Variants in TNXB observed in about 807,000 individuals in gnomAD.
TNXB encodes the protein tenascin XB, also known as tenascin-X.
In TNXB, 183 loss-of-function variants were observed where a neutral mutation model predicts 340.5. That is an observed-to-expected ratio of 0.54 (90% CI 0.48 to 0.61). The LOEUF (loss-of-function observed/expected upper bound fraction) is 0.61, where lower values mean the gene tolerates loss of function less well. Ranked by LOEUF, TNXB falls within the 20% of genes least tolerant of loss-of-function variation. The pLI, the probability that TNXB is intolerant of heterozygous loss-of-function variation, is 0.00. For synonymous variants in TNXB, 2,121 were observed against 2,314.5 expected, an observed-to-expected ratio of 0.92 and a Z score of 2.40; for missense variants, 4,613 against 5,446.4, an observed-to-expected ratio of 0.85 and a Z score of 4.82.
Position 32,067,588 on chromosome 6 carries a change from C to T in TNXB, c.6544+73G>A. 6.5e-7 allele frequency: 1 copy of T among 1,545,804 alleles called. No individual in the cohort carries two copies. Among genetic ancestry groups the T allele is most frequent in the Non-Finnish European group, 8.7e-7 (1 of 1,146,690 alleles). ...GGTTTGAGGTCTTGGGGTTCTGGGT[C>T]CCTAGTGGAGGAGATGCTGGAGGCT... On this transcript the variant is annotated intron_variant, in intron 18 of 43. Coordinates refer to ENST00000644971, the MANE Select transcript of TNXB (RefSeq NM_001365276.2). This position sits in a 1 kb window ranked among gnomAD's most constrained non-coding sequence, Gnocchi z 4.2.
chr6:32,062,559 A>G lies in TNXB; in HGVS notation c.6842-76T>C. Reference sequence around the variant, plus strand: ...CCAAGGGACTCTGGGATTCTCTTAGACACACCAAGGGCCCACAGTCTGGAT... The same window carrying G: ...CCAAGGGACTCTGGGATTCTCTTAGGCACACCAAGGGCCCACAGTCTGGAT... On this transcript the variant is annotated intron_variant, in intron 19 of 43. Coordinates refer to ENST00000644971, the MANE Select transcript of TNXB (RefSeq NM_001365276.2). The surrounding 1 kb of genome is among the most constrained non-coding windows in gnomAD (Gnocchi z 4.3). 7.2e-7 allele frequency: 1 copy of G among 1,385,900 alleles called. No homozygotes were observed. Among genetic ancestry groups the G allele is most frequent in the Non-Finnish European group, 9.7e-7 (1 of 1,028,610 alleles). The allele number at this position is 1,385,900 out of a possible 1,614,324, so 85.9% of individuals were successfully genotyped here.
At chr6:32,066,352 C>T (rs1268303065) in intron 18 of TNXB, among the ~76,000 whole-genome samples, 1 of 151,968 alleles carries the variant, frequency 6.6e-6, no homozygotes, top group Non-Finnish European at 1.5e-5. Flanking sequence ...TATGATCATG[C>T]CACTGCACTA....
Position 32,042,704 on chromosome 6 carries a change from G to A in TNXB, c.12053C>T (p.Thr4018Ile), listed in dbSNP as rs972769832. ...GGGCCCGTGCGTCCAGGTACCCGTGGTGAAAGAGGTGGACACGGGCGGCAG... is the reference window on the plus strand; with the variant it reads ...GGGCCCGTGCGTCCAGGTACCCGTGATGAAAGAGGTGGACACGGGCGGCAG... The part of the protein sequence containing the change: ...SLLPPVSTSF[T>I]TGGLRIPFPR... Residue 4018 changes from threonine (T) to isoleucine (I), a missense_variant, in exon 39 of 44, where the codon ACC becomes ATC. By Grantham distance (89) the Thr-to-Ile change is moderately conservative (BLOSUM62 -1). This residue lies in a region of TNXB where 121 missense variants were observed against 177.4 expected (regional missense o/e 0.68). Transcript: ENST00000644971. 6.0e-5 allele frequency: 66 copies of A among 1,108,176 alleles called. 1 individual carries two copies. Among genetic ancestry groups the A allele is most frequent in the Admixed American group, 8.6e-5 (4 of 46,766 alleles). The allele number at this position is 1,108,176 out of a possible 1,614,324, so 68.6% of individuals were successfully genotyped here. A position where few individuals can be genotyped will look rare whatever the true frequency, so the allele number is the denominator to read the frequency against.
chr6:32,062,303 T>C lies in TNXB; in HGVS notation c.7022A>G (p.Asp2341Gly). Residue 2341 changes from aspartate to glycine, a missense_variant, in exon 20 of 44, where the codon GAT becomes GGT. This residue lies in a region of TNXB where 4,327 missense variants were observed against 4,859.4 expected (regional missense o/e 0.89). Transcript: ENST00000644971. This position sits in a 1 kb window ranked among gnomAD's most constrained non-coding sequence, Gnocchi z 4.3. The part of the protein sequence containing the change: ...DHFLVQYKNG[D>G]GQPKATRVPG... ...CACCCGTGTTGCCTTGGGCTGCCCA[T>C]CCCCATTCTTGTACTGGACCAGGAA... 4 of 1,613,422 alleles carry C rather than the reference T, an allele frequency of 2.5e-6. No individual in the cohort carries two copies. The highest frequency in any genetic ancestry group is 3.4e-6 in the Non-Finnish European group (4 of 1,179,834).
intron 22 of TNXB, 75 bp downstream of exon 22, chr6:32,057,983 T>A: frequency 6.8e-7 from 1 of 1,479,688 alleles, no homozygotes; most frequent in South Asian, 1.3e-5. Context: ...GACAGAAATA[T>A]GTATAGGAAA....
At position 32,068,047 on chromosome 6, in the gene TNXB, G is replaced by T; in HGVS notation, c.6221-63C>A. On this transcript the variant is annotated intron_variant, in intron 17 of 43. Transcript: ENST00000644971. This position sits in a 1 kb window ranked among gnomAD's most constrained non-coding sequence, Gnocchi z 5.3. ...GGGTACTGGGGAAAAGGAGGGAGAAGCCAAGGCTATGACTGGGGGACCCGA... is the reference window on the plus strand; with the variant it reads ...GGGTACTGGGGAAAAGGAGGGAGAATCCAAGGCTATGACTGGGGGACCCGA... The T allele has an allele frequency of 6.4e-7, 1 of 1,568,432 alleles. No individual in the cohort carries two copies.
In TNXB at chr6:32,070,045, G is replaced by A; in HGVS notation, c.5278+82C>T. The A allele has an allele frequency of 6.9e-7, 1 of 1,444,456 alleles. No individual in the cohort carries two copies. The highest frequency in any genetic ancestry group is 1.5e-5 in the South Asian group (1 of 67,962). The allele number at this position is 1,444,456 out of a possible 1,614,324, so 89.5% of individuals were successfully genotyped here. A position where few individuals can be genotyped will look rare whatever the true frequency, so the allele number is the denominator to read the frequency against. On this transcript the variant is annotated intron_variant, in intron 14 of 43. Coordinates refer to ENST00000644971, the MANE Select transcript of TNXB (RefSeq NM_001365276.2). This position sits in a 1 kb window ranked among gnomAD's most constrained non-coding sequence, Gnocchi z 6.0. ...AGCCGAGTGGCTGGGGCCAAATAATGGTAATGGCAGCCACCACAAGTGACC... is the reference window on the plus strand; with the variant it reads ...AGCCGAGTGGCTGGGGCCAAATAATAGTAATGGCAGCCACCACAAGTGACC...
chr6:32,048,262 G>T, intron 29 of TNXB, 101 bp downstream of exon 29: 1 of 1,287,942 alleles, frequency 7.8e-7, no homozygotes, highest in Non-Finnish European at 1.0e-6. Context: ...TAAATCAGTG[G>T]GTGCTGAGGA....
At chr6:32,095,500 C>T (rs567149053) in intron 3 of TNXB, 111 bp downstream of exon 3, 2 of 1,402,044 alleles carry the variant, frequency 1.4e-6, no homozygotes, top group East Asian at 2.4e-5. Context: ...GGCACTGGCT[C>T]CTTGGAATGA....
chr6:32,068,704 G>T lies in TNXB; in HGVS notation c.5906C>A (p.Pro1969Gln). ...GPVHVEALTV[P>Q]EEEKPSEPPT... is the part of the protein sequence containing the mutation. ...AGGTTCTGAAGGCTTCTCCTCCTCC[G>T]GGACTGGACAGAGACATGGAAAGAG... is the stretch of plus-strand genomic sequence containing the variant. Residue 1969 changes from proline to glutamine, a missense_variant, in exon 17 of 44, where the codon CCG (proline) becomes CAG (glutamine). Transcript: ENST00000644971. This position sits in a 1 kb window ranked among gnomAD's most constrained non-coding sequence, Gnocchi z 5.3. 1 of 1,612,996 alleles carries T rather than the reference G, an allele frequency of 6.2e-7. No individual in the cohort carries two copies. Among genetic ancestry groups the T allele is most frequent in the Non-Finnish European group, 8.5e-7 (1 of 1,179,220 alleles).
chr6:32,068,930 T>C lies in TNXB; in HGVS notation c.5794A>G (p.Asn1932Asp). ...TCCAGGCCAGAGAGGGTGATGTCATTCCGGTCACCTCCTATGCGGACCATT... is the reference window on the plus strand; with the variant it reads ...TCCAGGCCAGAGAGGGTGATGTCATCCCGGTCACCTCCTATGCGGACCATT... The part of the protein sequence containing the change: ...LQMVRIGGDR[N>D]DITLSGLESD... Residue 1932 changes from asparagine to aspartate, a missense_variant, in exon 16 of 44, where the codon AAT (asparagine) becomes GAT (aspartate). By Grantham distance (23) the Asn-to-Asp change is conservative (BLOSUM62 1). Coordinates refer to ENST00000644971, the MANE Select transcript of TNXB (RefSeq NM_001365276.2). This position sits in a 1 kb window ranked among gnomAD's most constrained non-coding sequence, Gnocchi z 5.3. The C allele has an allele frequency of 1.9e-6, 3 of 1,612,848 alleles. No individual in the cohort carries two copies. Among genetic ancestry groups the C allele is most frequent in the Non-Finnish European group, 2.5e-6 (3 of 1,179,878 alleles).
At position 32,068,471 on chromosome 6, in the gene TNXB, G is replaced by A. The variant is rs1426356501; in HGVS notation, c.6139C>T (p.Pro2047Ser). The A allele has an allele frequency of 6.2e-7, 1 of 1,613,758 alleles. No individual in the cohort carries two copies. Among genetic ancestry groups the A allele is most frequent in the African/African-American group, 1.3e-5 (1 of 74,934 alleles). ...EEGVTISGLEPDHKYKMNLYG... is the reference protein window; with the variant it reads ...EEGVTISGLESDHKYKMNLYG... Reference sequence around the variant, plus strand: ...AGGTTCATCTTGTATTTATGGTCTGGCTCCAGGCCCGAGATGGTGACCCCT... The same window carrying A: ...AGGTTCATCTTGTATTTATGGTCTGACTCCAGGCCCGAGATGGTGACCCCT... Residue 2047 changes from proline (P) to serine (S), a missense_variant, in exon 17 of 44, where the codon CCA becomes TCA. Pro to Ser is a moderately conservative substitution (Grantham distance 74). This residue lies in a region of TNXB where 4,327 missense variants were observed against 4,859.4 expected (regional missense o/e 0.89). Coordinates refer to ENST00000644971, the MANE Select transcript of TNXB (RefSeq NM_001365276.2). The surrounding 1 kb of genome is among the most constrained non-coding windows in gnomAD (Gnocchi z 5.3).
chr6:32,096,224 G>T lies in TNXB; in HGVS notation c.1629C>A (p.Cys543Ter). The change falls in exon 3 of 44, where the codon TGC becomes TGA. Residue 543 changes from cysteine (C) to a stop codon, truncating the protein, a stop_gained. Coordinates refer to ENST00000644971, the MANE Select transcript of TNXB (RefSeq NM_001365276.2). LOFTEE classifies it high-confidence loss of function. ...RGHGLCEDGV[C>*]VCDAGYSGED... ...CCCCTGAGTAGCCTGCGTCACACAC[G>T]CACACGCCATCCTCGCAAAGGCCGT... 6.4e-7 allele frequency: 1 copy of T among 1,569,340 alleles called. No homozygotes were observed. Among genetic ancestry groups the T allele is most frequent in the Admixed American group, 1.9e-5 (1 of 53,550 alleles).
chr6:32,106,605 C>A (rs1193388105), intron 1 of TNXB, among the ~76,000 whole-genome samples: 1 of 152,182 alleles, frequency 6.6e-6, no homozygotes, highest in Non-Finnish European at 1.5e-5. Flanking sequence ...CATTCTGCTA[C>A]CAGCCAGCAA....
chr6:32,094,475 C>T lies in TNXB; in HGVS notation c.2358+601G>A, dbSNP rs59536155. Among the ~76,000 whole-genome samples, 477 of 152,200 alleles carry T rather than the reference C, an allele frequency of 3.1e-3. 12 individuals carry two copies. In the East Asian group the frequency reaches 0.057, roughly 18 times the overall value. ...GCTTGTGTGACTACAAATTGCTATA[C>T]GCCAGCTCTGAGAAAAGTGTCCATA... On this transcript the variant is annotated intron_variant, in intron 4 of 43. Coordinates refer to ENST00000644971, the MANE Select transcript of TNXB (RefSeq NM_001365276.2).
chr6:32,061,954 C>T lies in TNXB; in HGVS notation c.7168+203G>A, dbSNP rs1268787661. Reference sequence around the variant, plus strand: ...GGGGGACCTGGCACAGCCACCAGCACAGCAAAACTCCCAATGGCCCCTCCC... The same window carrying T: ...GGGGGACCTGGCACAGCCACCAGCATAGCAAAACTCCCAATGGCCCCTCCC... On this transcript the variant is annotated intron_variant, in intron 20 of 43. Coordinates refer to ENST00000644971, the MANE Select transcript of TNXB (RefSeq NM_001365276.2). This position sits in a 1 kb window ranked among gnomAD's most constrained non-coding sequence, Gnocchi z 4.4. Among the ~76,000 whole-genome samples, 1 of 152,148 alleles carries T rather than the reference C, an allele frequency of 6.6e-6. No homozygotes were observed. The highest frequency in any genetic ancestry group is 1.5e-5 in the Non-Finnish European group (1 of 68,028).
chr6:32,070,126 C>T lies in TNXB; in HGVS notation c.5278+1G>A. 1 of 1,562,572 alleles carries T rather than the reference C, an allele frequency of 6.4e-7. No individual in the cohort carries two copies. On this transcript the variant is annotated splice_donor_variant, in intron 14 of 43. Coordinates refer to ENST00000644971, the MANE Select transcript of TNXB (RefSeq NM_001365276.2). LOFTEE classifies it high-confidence loss of function. The surrounding 1 kb of genome is among the most constrained non-coding windows in gnomAD (Gnocchi z 6.0). ...AGGGACCTGCAGGGAATGCCCCTCA[C>T]CCGTGGTGCCGTCGGCAGTGAGAGG...
At position 32,046,359 on chromosome 6, in the gene TNXB, G is replaced by A. The variant is rs764944118; in HGVS notation, c.10422C>T (p.Gly3474=). ...ACTGGACCACGAAGGAGTCAAAGGGGCCCTGGGCTACCGTCCAGGACAGGC... is the reference window on the plus strand; with the variant it reads ...ACTGGACCACGAAGGAGTCAAAGGGACCCTGGGCTACCGTCCAGGACAGGC... ...SLRLSWTVAQ[G]PFDSFVVQYR... is the part of the protein sequence containing the mutation. Residue 3474 remains glycine (G), a synonymous_variant, in exon 31 of 44, where the codon GGC becomes GGT. Coordinates refer to ENST00000644971, the MANE Select transcript of TNXB (RefSeq NM_001365276.2). The surrounding 1 kb of genome is among the most constrained non-coding windows in gnomAD (Gnocchi z 6.9). The A allele has an allele frequency of 5.0e-6, 8 of 1,604,578 alleles. No individual in the cohort carries two copies. Among genetic ancestry groups the A allele is most frequent in the Non-Finnish European group, 6.8e-6 (8 of 1,176,792 alleles).
chr6:32,061,575 G>C lies in TNXB; in HGVS notation c.7314C>G (p.Phe2438Leu), dbSNP rs192927455. ...SLSWTVPQGR[F>L]DSFTVQYKDR... ...CCTTGTACTGCACGGTGAAGGAGTC[G>C]AAGCGGCCCTGGGGGACGGTCCAGG... The change falls in exon 21 of 44, where the codon TTC becomes TTG. Residue 2438 changes from phenylalanine (F) to leucine (L), a missense_variant. Physicochemically the swap from Phe to Leu is conservative, Grantham distance 22. This residue lies in a region of TNXB where 4,327 missense variants were observed against 4,859.4 expected (regional missense o/e 0.89). Transcript: ENST00000644971. This position sits in a 1 kb window ranked among gnomAD's most constrained non-coding sequence, Gnocchi z 4.4. 6.2e-7 allele frequency: 1 copy of C among 1,613,312 alleles called. No individual in the cohort carries two copies. Among genetic ancestry groups the C allele is most frequent in the Admixed American group, 1.7e-5 (1 of 60,024 alleles).
Sources: gnomAD v4.1 joint callset for allele counts (sites outside exome capture counted in the v4.1 genomes callset) on GRCh38, gnomAD v4.1.1 for gene constraint, gnomAD v4.1.1 regional missense constraint, Gnocchi (gnomAD v3.1) non-coding constraint, MANE v1.5 for transcripts, NCBI Gene and HGNC (gene_info 2026-07-23, HGNC 2026-07-21) for gene names.